The following NKAIN3 variants were observed in gnomAD, a reference collection of about 807,000 sequenced individuals.
NKAIN3 encodes sodium/potassium-transporting ATPase subunit beta-1-interacting protein 3.
NKAIN3 carries 25 observed loss-of-function variants against 30.2 expected under a neutral mutation model. That is an observed-to-expected ratio of 0.83 (90% CI 0.60 to 1.16). The LOEUF (loss-of-function observed/expected upper bound fraction) is 1.16, where lower values mean the gene tolerates loss of function less well. Ranked by LOEUF, NKAIN3 falls within the 50% of genes most tolerant of loss-of-function variation. The pLI is 0.00. For missense variants in NKAIN3, 225 were observed against 254.1 expected (o/e 0.89, Z 0.78); for synonymous variants, 91 against 89.6 (o/e 1.02, Z -0.09).
At chr8:62,262,176 G>T (rs1385271565) in intron 1 of NKAIN3, among the ~76,000 whole-genome samples, 2 of 152,102 alleles carry the variant, frequency 1.3e-5, no homozygotes, top group African/African-American at 4.8e-5. Flanking sequence ...CACTAACTCT[G>T]GGACACGGCT....
At chr8:62,595,152 GT>G (rs530678761) in intron 3 of NKAIN3, among the ~76,000 whole-genome samples, 255 of 151,898 alleles carry the variant, frequency 1.7e-3, no homozygotes, top group Non-Finnish European at 3.0e-3. Context: ...ACATTTTTAT[GT>G]TGTTACTAAA....
At chr8:62,584,045 A>T (rs1810396631) in intron 2 of NKAIN3, among the ~76,000 whole-genome samples, 2 of 152,308 alleles carry the variant, frequency 1.3e-5, no homozygotes, top group South Asian at 2.1e-4. Context: ...ACTGAAAATG[A>T]ATGTGGCATA....
chr8:62,847,945 C>G (rs568724837), intron 4 of NKAIN3, among the ~76,000 whole-genome samples: 1 of 152,226 alleles, frequency 6.6e-6, no homozygotes, highest in South Asian at 2.1e-4. Context: ...AATCTTTTCC[C>G]CATTGCTTGT....
chr8:62,373,550 G>C lies in NKAIN3; in HGVS notation c.54+124423G>C, dbSNP rs114202874. Among the ~76,000 whole-genome samples the C allele has an allele frequency of 7.8e-3, 1,183 of 152,206 alleles. 16 individuals are homozygous for C. The highest frequency in any genetic ancestry group is 0.027 in the African/African-American group (1,119 of 41,516). ...GAAATTTAGAACCCTTCCAAACCAA[G>C]GCTTTTTGGAGTTATTTCAGATTTA... On this transcript the variant is annotated intron_variant, in intron 1 of 6. Coordinates refer to ENST00000623646, the MANE Select transcript of NKAIN3 (RefSeq NM_001304533.3).
chr8:62,802,205 A>G (rs1818090804), intron 4 of NKAIN3, among the ~76,000 whole-genome samples: 1 of 152,246 alleles, frequency 6.6e-6, no homozygotes, highest in Non-Finnish European at 1.5e-5. Context: ...GCAGGATATT[A>G]TCCAGGAGAA....
chr8:62,325,169 A>G (rs1363546200), intron 1 of NKAIN3, among the ~76,000 whole-genome samples: 1 of 152,068 alleles, frequency 6.6e-6, no homozygotes, highest in African/African-American at 2.4e-5. Context: ...AGTCCATTAT[A>G]TCATTCTTAT....
intron 1 of NKAIN3, among the ~76,000 whole-genome samples, chr8:62,503,051 A>G (rs1468234178): frequency 1.3e-5 from 2 of 152,190 alleles, no homozygotes; most frequent in Non-Finnish European, 2.9e-5. Context: ...GGCTAGCATT[A>G]TCACCTGGAG....
intron 1 of NKAIN3, among the ~76,000 whole-genome samples, chr8:62,289,830 G>A (rs888464624): frequency 1.8e-4 from 27 of 152,234 alleles, no homozygotes; most frequent in African/African-American, 6.3e-4. Flanking sequence ...AATTACCTTG[G>A]GCAGTATGGC....
intron 5 of NKAIN3, among the ~76,000 whole-genome samples, chr8:62,993,310 A>G (rs751460281): frequency 2.0e-5 from 3 of 152,166 alleles, no homozygotes; most frequent in African/African-American, 4.8e-5. Flanking sequence ...TATTACAAAT[A>G]GTTTCGTTTA....
At chr8:62,742,466 C>A (rs979486222) in intron 3 of NKAIN3, among the ~76,000 whole-genome samples, 7 of 152,162 alleles carry the variant, frequency 4.6e-5, no homozygotes, top group Non-Finnish European at 1.0e-4. Flanking sequence ...TATATATCTG[C>A]TTCTTCTCAG....
intron 1 of NKAIN3, among the ~76,000 whole-genome samples, chr8:62,292,364 T>G (rs571061100): frequency 6.6e-6 from 1 of 152,334 alleles, no homozygotes; most frequent in Non-Finnish European, 1.5e-5. Context: ...GTTTTTGCAG[T>G]GGCTGGTACC....
At chr8:62,884,274 TTGAGATG>T (rs1821077119) in intron 4 of NKAIN3, among the ~76,000 whole-genome samples, 1 of 151,786 alleles carries the variant, frequency 6.6e-6, no homozygotes, top group South Asian at 2.1e-4. Flanking sequence ...TTTTTTTTTT[TTGAGATG>T]GAGTTTTGCT....
intron 1 of NKAIN3, among the ~76,000 whole-genome samples, chr8:62,425,919 AC>A (rs774668272): frequency 1.3e-5 from 2 of 151,922 alleles, no homozygotes; most frequent in Non-Finnish European, 2.9e-5. Context: ...AGTTAAATAA[AC>A]TATGGAGTCC....
intron 1 of NKAIN3, among the ~76,000 whole-genome samples, chr8:62,481,046 C>G (rs77046279): frequency 1.3e-5 from 2 of 152,158 alleles, no homozygotes; most frequent in African/African-American, 4.8e-5. Context: ...CTCAACATCT[C>G]ATGCTTCTCA....
At chr8:62,863,426 T>A in intron 4 of NKAIN3, 1 of 1,553,308 alleles carries the variant, frequency 6.4e-7, no homozygotes, top group Admixed American at 1.8e-5. Context: ...GTATGAGTAA[T>A]CTTGGTCTTA....
At chr8:62,664,930 T>C (rs544369486) in intron 3 of NKAIN3, among the ~76,000 whole-genome samples, 59 of 152,348 alleles carry the variant, frequency 3.9e-4, no homozygotes, top group Non-Finnish European at 7.5e-4. Flanking sequence ...GAGCTTACGC[T>C]GACGACATCC....
chr8:62,867,037 A>T (rs1820443679), intron 4 of NKAIN3, among the ~76,000 whole-genome samples: 1 of 149,748 alleles, frequency 6.7e-6, no homozygotes, highest in Non-Finnish European at 1.5e-5. Context: ...ACTGGGCGAC[A>T]GAGCGAGACT....
intron 4 of NKAIN3, among the ~76,000 whole-genome samples, chr8:62,895,543 C>A (rs778152345): frequency 1.3e-5 from 2 of 152,150 alleles, no homozygotes; most frequent in African/African-American, 4.8e-5. Context: ...GCACATTTAG[C>A]CCTTCTAAGG....
chr8:62,495,768 T>G (rs981551413), intron 1 of NKAIN3, among the ~76,000 whole-genome samples: 2 of 152,136 alleles, frequency 1.3e-5, no homozygotes, highest in Non-Finnish European at 2.9e-5. Context: ...AACAACTTTC[T>G]GAACTGAGTC....
Sources: allele counts gnomAD v4.1 joint callset (sites outside exome capture counted in the v4.1 genomes callset), GRCh38; gene constraint gnomAD v4.1.1; transcripts MANE v1.5; gene names NCBI Gene and HGNC (gene_info 2026-07-23, HGNC 2026-07-21).